The following PCDHA1 variants were observed in gnomAD, a reference collection of about 807,000 sequenced individuals.
PCDHA1 encodes protocadherin alpha 1, also known as protocadherin alpha-1.
In PCDHA1, 42 loss-of-function variants were observed where a neutral mutation model predicts 61.3. The ratio of observed to expected loss-of-function variants is 0.69; its 90% CI spans 0.54 to 0.89. The LOEUF is 0.89. PCDHA1 is among the 40% of genes least tolerant of loss of function. PCDHA1 has a pLI of 0.00. For synonymous variants in PCDHA1, 610 were observed against 553.8 expected, an observed-to-expected ratio of 1.10 and a Z score of -1.43; for missense variants, 1,256 against 1,235.3, an observed-to-expected ratio of 1.02 and a Z score of -0.25.
chr5:140,899,069 A>G (rs1554188379), intron 1 of PCDHA1, among the ~76,000 whole-genome samples: 1 of 152,164 alleles, frequency 6.6e-6, no homozygotes, highest in Non-Finnish European at 1.5e-5. Flanking sequence ...GAAGTTGCTT[A>G]TCAGCTTAAG....
chr5:140,829,961 G>T, intron 1 of PCDHA1: 2 of 1,613,994 alleles, frequency 1.2e-6, no homozygotes, highest in Non-Finnish European at 1.7e-6. Flanking sequence ...CCCGTTTCGC[G>T]TGGGGCTGTA....
chr5:140,944,623 T>A (rs535315515), intron 1 of PCDHA1, among the ~76,000 whole-genome samples: 62 of 152,320 alleles, frequency 4.1e-4, no homozygotes, highest in Non-Finnish European at 7.3e-4. Context: ...AGAAGTATAG[T>A]GTTGTAAGCC....
rs1197189729 is a variant in PCDHA1, at chr5:141,011,926, G to A, written c.*1989G>A. On this transcript the variant is annotated 3_prime_UTR_variant, in exon 4 of 4. Transcript: ENST00000504120. ...TTAGGCATTAATATAAAAGAGGTAG[G>A]AGTCTGTTATTTAAAAAAAGCATTA... 1 of 153,498 alleles carries A rather than the reference G, an allele frequency of 6.5e-6. No individual in the cohort carries two copies. Among genetic ancestry groups the A allele is most frequent in the African/African-American group, 2.4e-5 (1 of 41,380 alleles). 9.5% of individuals were successfully genotyped at this position (153,498 alleles called of 1,614,324 possible).
chr5:140,869,028 G>T, intron 1 of PCDHA1: 1 of 1,526,584 alleles, frequency 6.6e-7, no homozygotes, highest in Middle Eastern at 1.8e-4. Context: ...AATTCAACGA[G>T]ATTTTTAACC....
intron 3 of PCDHA1, among the ~76,000 whole-genome samples, chr5:140,986,222 G>A (rs1554247822): frequency 1.3e-5 from 2 of 152,164 alleles, no homozygotes; most frequent in African/African-American, 4.8e-5. Flanking sequence ...CCTTTCTCTA[G>A]CCTCCCCTCT....
intron 1 of PCDHA1, chr5:140,883,099 A>C: frequency 6.2e-7 from 1 of 1,614,150 alleles, no homozygotes. Flanking sequence ...ATGGAGATAT[A>C]GTTTACTCAT....
intron 1 of PCDHA1, among the ~76,000 whole-genome samples, chr5:140,925,821 T>C (rs1381036851): frequency 1.3e-5 from 2 of 152,136 alleles, no homozygotes; most frequent in African/African-American, 4.8e-5. Context: ...CACGTCTTCT[T>C]TGGGGACGGG....
At chr5:140,810,918 C>A (rs1328218288) in intron 1 of PCDHA1, 3 of 152,014 alleles carry the variant, frequency 2.0e-5, no homozygotes, top group Non-Finnish European at 4.4e-5. Context: ...TCTTTTATTT[C>A]ATTGTTTACA....
intron 3 of PCDHA1, among the ~76,000 whole-genome samples, chr5:140,993,156 A>G (rs2097543367): frequency 6.6e-6 from 1 of 152,188 alleles, no homozygotes; most frequent in Admixed American, 6.5e-5. Context: ...TGGATTCTAA[A>G]TATTTGCCTT....
In PCDHA1 at chr5:140,797,511, C is replaced by G; in HGVS notation, c.2394+8827C>G. 3 of 868,612 alleles carry G rather than the reference C, an allele frequency of 3.5e-6. No homozygotes were observed. The South Asian group carries it at 5.3e-5, about 15-fold the overall frequency. The allele number at this position is 868,612 out of a possible 1,614,324, so 53.8% of individuals were successfully genotyped here. A position where few individuals can be genotyped will look rare whatever the true frequency, so the allele number is the denominator to read the frequency against. On this transcript the variant is annotated intron_variant, in intron 1 of 3. Coordinates refer to ENST00000504120, the MANE Select transcript of PCDHA1 (RefSeq NM_018900.4). ...ATTAGAGATCAATTTATTGCATTTA[C>G]TGAACAATTTATTTAAACAATCTAC...
At position 140,841,226 on chromosome 5, in the gene PCDHA1, G is replaced by A. The variant is rs2150312161; in HGVS notation, c.2394+52542G>A. 1.1e-5 allele frequency: 16 copies of A among 1,452,002 alleles called. 1 individual carries two copies. Among genetic ancestry groups the A allele is most frequent in the Non-Finnish European group, 1.5e-5 (16 of 1,077,992 alleles). The allele number at this position is 1,452,002 out of a possible 1,614,324, so 89.9% of individuals were successfully genotyped here. On this transcript the variant is annotated intron_variant, in intron 1 of 3. Transcript: ENST00000504120. The stretch of plus-strand genomic sequence containing the variant: ...CATCTGTCTCTAAAGGCCGAACAAC[G>A]GGAGATGCAGCGGAATTGGATTAAA...
intron 1 of PCDHA1, among the ~76,000 whole-genome samples, chr5:140,924,825 G>A (rs1282051408): frequency 1.3e-5 from 2 of 151,514 alleles, no homozygotes; most frequent in African/African-American, 4.9e-5. Flanking sequence ...AACCTGGGAG[G>A]GGGAGGTTGC....
intron 1 of PCDHA1, chr5:140,875,950 G>A: frequency 6.2e-7 from 1 of 1,614,166 alleles, no homozygotes; most frequent in South Asian, 1.1e-5. Flanking sequence ...CGCTTCTGAT[G>A]CGGATATCGG....
rs1212055845 is a variant in PCDHA1 at position 140,857,419 on chromosome 5, C to T, written c.2394+68735C>T. On this transcript the variant is annotated intron_variant, in intron 1 of 3. Coordinates refer to ENST00000504120, the MANE Select transcript of PCDHA1 (RefSeq NM_018900.4). ...ACAACGCGCCTGCGTTCGCGCAGTC[C>T]GAGTACACGGTGTTCGTGAAGGAGA... The T allele has an allele frequency of 3.1e-6, 5 of 1,598,216 alleles. 1 individual carries two copies. The African/African-American group carries it at 6.7e-5, about 22-fold the overall frequency.
intron 1 of PCDHA1, chr5:140,809,018 C>G: frequency 6.2e-7 from 1 of 1,613,722 alleles, no homozygotes; most frequent in Non-Finnish European, 8.5e-7. Context: ...TTCGTACGAG[C>G]TGCAGCCGGG....
chr5:140,939,481 A>G (rs1554212745), intron 1 of PCDHA1, among the ~76,000 whole-genome samples: 2 of 152,206 alleles, frequency 1.3e-5, no homozygotes, highest in Non-Finnish European at 2.9e-5. Flanking sequence ...CTTCATGAGA[A>G]TGTTAATTAT....
intron 1 of PCDHA1, chr5:140,856,867 C>G (rs1554149232): frequency 6.3e-7 from 1 of 1,595,186 alleles, no homozygotes; most frequent in East Asian, 2.2e-5. Context: ...AAGGAATAAA[C>G]AAGGAAATGA....
chr5:140,929,870 A>T (rs1056539262), intron 1 of PCDHA1: 1 of 153,262 alleles, frequency 6.5e-6, no homozygotes, highest in Admixed American at 6.5e-5. Flanking sequence ...AGGCTTTGTG[A>T]TAGAGATCAC....
chr5:140,899,101 G>T (rs1554188394), intron 1 of PCDHA1, among the ~76,000 whole-genome samples: 5 of 152,096 alleles, frequency 3.3e-5, no homozygotes, highest in Non-Finnish European at 7.4e-5. Context: ...CTGAGATAAT[G>T]GGGTTTTCTA....
Sources: gnomAD v4.1 joint callset for allele counts (sites outside exome capture counted in the v4.1 genomes callset) on GRCh38, gnomAD v4.1.1 for gene constraint, MANE v1.5 for transcripts, NCBI Gene and HGNC (gene_info 2026-07-23, HGNC 2026-07-21) for gene names.